The following DNAH12 variants were observed in gnomAD, a reference collection of about 807,000 sequenced individuals.
DNAH12 encodes axonemal beta dynein heavy chain 12.
In DNAH12, 285 loss-of-function variants were observed where a neutral mutation model predicts 371.5. That is an observed-to-expected ratio of 0.77 (90% CI 0.70 to 0.85). The LOEUF (loss-of-function observed/expected upper bound fraction) is 0.85. Ranked by LOEUF, DNAH12 falls within the 40% of genes least tolerant of loss-of-function variation. The pLI, the probability that DNAH12 is intolerant of heterozygous loss-of-function variation, is 0.00. For synonymous variants in DNAH12, 1,200 were observed against 1,213.0 expected (o/e 0.99, Z 0.22); for missense variants, 3,611 against 3,689.4 (o/e 0.98, Z 0.55).
At chr3:57,420,691 C>T (rs373633096) in intron 36 of DNAH12, among the ~76,000 whole-genome samples, 10 of 151,904 alleles carry the variant, frequency 6.6e-5, no homozygotes, top group Admixed American at 3.9e-4. Context: ...GGGTGGATCA[C>T]GAGGTCAGGA....
intron 2 of DNAH12, among the ~76,000 whole-genome samples, chr3:57,535,848 T>C (rs2069020876): frequency 6.7e-6 from 1 of 149,912 alleles, no homozygotes. Context: ...CAATTTTTTT[T>C]TTTTTTTGAG....
chr3:57,554,265 T>C, the DNAH12 span, among the ~76,000 whole-genome samples: 1 of 99,382 alleles, frequency 1.0e-5, no homozygotes, highest in South Asian at 2.5e-4. Flanking sequence ...CCAGCCTGGG[T>C]GACAGAGTGA....
intron 25 of DNAH12, among the ~76,000 whole-genome samples, chr3:57,450,347 G>C (rs1032484172): frequency 1.3e-5 from 2 of 150,588 alleles, no homozygotes; most frequent in Non-Finnish European, 1.5e-5. Flanking sequence ...TAGGGAGTTT[G>C]AGACCAGCCT....
intron 10 of DNAH12, 93 bp downstream of exon 10, chr3:57,502,230 T>C (rs2067576325): frequency 7.9e-6 from 12 of 1,522,822 alleles, no homozygotes; most frequent in Non-Finnish European, 9.0e-7. Context: ...TCCCTGTTCT[T>C]TCATGGCAGC....
intron 58 of DNAH12, among the ~76,000 whole-genome samples, chr3:57,359,437 T>C (rs1575500319): frequency 6.6e-6 from 1 of 151,078 alleles, no homozygotes. Context: ...CGCATGCCTG[T>C]AATCCCAGCT....
intron 25 of DNAH12, among the ~76,000 whole-genome samples, chr3:57,449,248 T>G: frequency 6.6e-6 from 1 of 151,370 alleles, no homozygotes; most frequent in South Asian, 2.1e-4. Context: ...AGACTCTCCA[T>G]GTCCCCACCA....
intron 2 of DNAH12, among the ~76,000 whole-genome samples, chr3:57,541,704 C>G (rs2069293733): frequency 6.6e-6 from 1 of 150,966 alleles, no homozygotes; most frequent in African/African-American, 2.4e-5. Context: ...TCTAATAGTA[C>G]ATATACTGAT....
chr3:57,521,614 G>C (rs1209460102), intron 4 of DNAH12, among the ~76,000 whole-genome samples: 2 of 152,228 alleles, frequency 1.3e-5, no homozygotes, highest in Admixed American at 6.5e-5. Flanking sequence ...GAGGCTGGGT[G>C]CGGTGGCTCC....
intron 19 of DNAH12, among the ~76,000 whole-genome samples, chr3:57,460,714 T>C (rs1575633333): frequency 1.3e-5 from 2 of 152,308 alleles, no homozygotes; most frequent in East Asian, 3.9e-4. Flanking sequence ...AAACAATAAA[T>C]AAATCTTCTA....
chr3:57,447,038 G>A (rs996298486), intron 25 of DNAH12, among the ~76,000 whole-genome samples: 1 of 152,140 alleles, frequency 6.6e-6, no homozygotes, highest in Non-Finnish European at 1.5e-5. Flanking sequence ...ATTCTAGATG[G>A]CTCACTGCAA....
intron 53 of DNAH12, 27 bp downstream of exon 53, chr3:57,376,954 T>C (rs2063294119): frequency 1.3e-5 from 2 of 152,178 alleles, no homozygotes; most frequent in Non-Finnish European, 2.9e-5. Context: ...CATTCCTAAA[T>C]CTTGCTAAAA....
rs1301811029 is a variant in DNAH12, at chr3:57,327,926, C to T, written c.9979-4307G>A. ...TACAAACTACCATCAGAGAATACTA[C>T]AAACACCTCTACACAAATAAACTAG... On this transcript the variant is annotated intron_variant, in intron 62 of 73. Coordinates refer to ENST00000495027, the MANE Select transcript of DNAH12 (RefSeq NM_001366028.2). 3.9e-5 allele frequency among the ~76,000 whole-genome samples: 6 copies of T among 152,012 alleles called. No individual in the cohort carries two copies. In the South Asian group the frequency reaches 1.2e-3, roughly 32 times the overall value.
chr3:57,553,823 T>C, the DNAH12 span, among the ~76,000 whole-genome samples: 1 of 151,574 alleles, frequency 6.6e-6, no homozygotes, highest in Non-Finnish European at 1.5e-5. Flanking sequence ...ATTCTGAAGA[T>C]ATTTCTTTTT....
chr3:57,344,367 C>T lies in DNAH12; in HGVS notation c.9674+7718G>A, dbSNP rs150700306. ...GGATTGTAAACTAGTACAACCATTACGGAGAACAGTATGGAGGTTCCTCAA... is the reference window on the plus strand; with the variant it reads ...GGATTGTAAACTAGTACAACCATTATGGAGAACAGTATGGAGGTTCCTCAA... On this transcript the variant is annotated intron_variant, in intron 60 of 73. Transcript: ENST00000495027. Among the ~76,000 whole-genome samples, 755 of 152,268 alleles carry T rather than the reference C, an allele frequency of 5.0e-3. 5 individuals are homozygous for T. The highest frequency in any genetic ancestry group is 0.013 in the African/African-American group (549 of 41,556).
chr3:57,342,364 G>A (rs1280907943), intron 60 of DNAH12, among the ~76,000 whole-genome samples: 1 of 151,702 alleles, frequency 6.6e-6, no homozygotes, highest in Non-Finnish European at 1.5e-5. Flanking sequence ...AAACTGGCCA[G>A]ACGTGGTGGC....
At chr3:57,433,940 CAT>C in intron 30 of DNAH12, 112 bp from the exon 31 acceptor site, 1 of 970,786 alleles carries the variant, frequency 1.0e-6, no homozygotes, top group Non-Finnish European at 1.4e-6. Flanking sequence ...TTTTTGAAAT[CAT>C]ATGAATTTTT....
At chr3:57,327,478 G>C (rs533856334) in intron 62 of DNAH12, among the ~76,000 whole-genome samples, 1 of 152,268 alleles carries the variant, frequency 6.6e-6, no homozygotes, top group East Asian at 1.9e-4. Flanking sequence ...ATAGCGAAAT[G>C]AAGGCAGAAA....
chr3:57,432,168 C>CTTTTTTT, intron 32 of DNAH12, among the ~76,000 whole-genome samples: 1 of 131,244 alleles, frequency 7.6e-6, no homozygotes, highest in Non-Finnish European at 1.6e-5. Context: ...TTCAGTATAT[C>CTTTTTTT]TTTTTTTTTT....
At chr3:57,362,020 C>A (rs1015104560) in intron 58 of DNAH12, among the ~76,000 whole-genome samples, 12 of 151,844 alleles carry the variant, frequency 7.9e-5, no homozygotes, top group African/African-American at 2.7e-4. Context: ...CCACTCCCCC[C>A]ACCCCATGAC....
Sources: gnomAD v4.1 joint callset for allele counts (sites outside exome capture counted in the v4.1 genomes callset) on GRCh38, gnomAD v4.1.1 for gene constraint, MANE v1.5 for transcripts, NCBI Gene and HGNC (gene_info 2026-07-23, HGNC 2026-07-21) for gene names.